The following LARP1B variants were observed in gnomAD, a reference collection of about 807,000 sequenced individuals.
LARP1B encodes la-related protein 1B.
LARP1B carries 76 observed loss-of-function variants against 114.2 expected under a neutral mutation model. That is an observed-to-expected ratio of 0.67 (90% CI 0.55 to 0.81). The LOEUF is 0.81. Ranked by LOEUF, LARP1B falls within the 30% of genes least tolerant of loss-of-function variation. The pLI is 0.00. For missense variants in LARP1B, 1,014 were observed against 1,075.8 expected, an observed-to-expected ratio of 0.94 and a Z score of 0.80; for synonymous variants, 345 against 348.0, an observed-to-expected ratio of 0.99 and a Z score of 0.10.
intron 3 of LARP1B, among the ~76,000 whole-genome samples, chr4:128,076,126 G>C (rs1767755826): frequency 6.6e-6 from 1 of 152,028 alleles, no homozygotes; most frequent in African/African-American, 2.4e-5. Flanking sequence ...TGATTCTCCT[G>C]CCTCAGCCTC....
intron 4 of LARP1B, among the ~76,000 whole-genome samples, chr4:128,079,934 CT>C (rs1163877719): frequency 6.6e-6 from 1 of 151,934 alleles, no homozygotes; most frequent in Non-Finnish European, 1.5e-5. Context: ...GTGTTCTTGA[CT>C]GTCTAGAATC....
At chr4:128,081,867 T>G (rs1770612305) in intron 4 of LARP1B, among the ~76,000 whole-genome samples, 1 of 152,212 alleles carries the variant, frequency 6.6e-6, no homozygotes, top group Non-Finnish European at 1.5e-5. Context: ...CCCGAGTAGC[T>G]GGGATTACTG....
intron 12 of LARP1B, among the ~76,000 whole-genome samples, chr4:128,167,389 T>G (rs897906377): frequency 9.2e-5 from 14 of 151,996 alleles, no homozygotes; most frequent in Admixed American, 8.5e-4. Context: ...TCTAATCAGG[T>G]CTTTTGCCCA....
chr4:128,219,758 C>T (rs1461124321), intron 6 of LARP1B, among the ~76,000 whole-genome samples: 3 of 149,062 alleles, frequency 2.0e-5, no homozygotes, highest in Non-Finnish European at 3.0e-5. Flanking sequence ...AACTAACCTG[C>T]ACAATGTGCA....
chr4:128,145,824 A>G (rs1730094332), intron 11 of LARP1B, among the ~76,000 whole-genome samples: 1 of 152,168 alleles, frequency 6.6e-6, no homozygotes, highest in South Asian at 2.1e-4. Context: ...TTTCATAGTC[A>G]TATCAGTTTT....
chr4:128,156,252 C>A, intron 11 of LARP1B: 1 of 1,226,550 alleles, frequency 8.2e-7, no homozygotes. Flanking sequence ...GCAACGTCTG[C>A]TCCCCTTCCC....
chr4:128,202,786 T>TAATACAG (rs1756377184), intron 17 of LARP1B, among the ~76,000 whole-genome samples: 1 of 152,188 alleles, frequency 6.6e-6, no homozygotes, highest in South Asian at 2.1e-4. Flanking sequence ...TAGCTACTTC[T>TAATACAG]TAGGAAGTAG....
chr4:128,084,953 TC>T (rs1772826398), intron 5 of LARP1B, among the ~76,000 whole-genome samples: 1 of 152,046 alleles, frequency 6.6e-6, no homozygotes, highest in African/African-American at 2.4e-5. Context: ...AACCTCTGCC[TC>T]CCGGGTTCAA....
intron 11 of LARP1B, chr4:128,122,811 G>T: frequency 2.7e-6 from 3 of 1,096,478 alleles, no homozygotes; most frequent in Non-Finnish European, 3.3e-6. Flanking sequence ...CCAGATCCTG[G>T]TTCCTATCCT....
At chr4:128,162,373 T>C in intron 12 of LARP1B, 56 bp downstream of exon 12, 1 of 1,459,060 alleles carries the variant, frequency 6.9e-7, no homozygotes, top group Non-Finnish European at 9.2e-7. Context: ...AGTTCTGAAT[T>C]GTTTTTAAAA....
intron 15 of LARP1B, among the ~76,000 whole-genome samples, chr4:128,192,882 G>GA (rs1420261341): frequency 6.6e-6 from 1 of 151,636 alleles, no homozygotes; most frequent in African/African-American, 2.4e-5. Context: ...ACCCAGGATA[G>GA]AGTGCAGTGG....
chr4:128,168,329 T>C (rs1742050050), intron 12 of LARP1B, among the ~76,000 whole-genome samples: 1 of 152,074 alleles, frequency 6.6e-6, no homozygotes, highest in South Asian at 2.1e-4. Context: ...TCATTGTGAC[T>C]GATGCTGTTG....
chr4:128,084,225 G>A (rs1156383799), intron 5 of LARP1B, among the ~76,000 whole-genome samples: 18 of 152,144 alleles, frequency 1.2e-4, no homozygotes, highest in South Asian at 2.1e-4. Flanking sequence ...ACGGGGTGGC[G>A]GCCGGGCAGA....
intron 5 of LARP1B, among the ~76,000 whole-genome samples, chr4:128,086,075 G>A (rs1240324510): frequency 6.1e-5 from 9 of 146,982 alleles, no homozygotes; most frequent in Non-Finnish European, 8.9e-5. Flanking sequence ...GTGCAGTGGC[G>A]CGATCTCGGC....
intron 9 of LARP1B, among the ~76,000 whole-genome samples, chr4:128,113,590 C>A (rs1468774197): frequency 1.3e-5 from 2 of 151,880 alleles, no homozygotes; most frequent in Non-Finnish European, 2.9e-5. Flanking sequence ...ATCCACCCGC[C>A]TCAGCCTCCC....
At chr4:128,181,957 C>T (rs9799735) in intron 15 of LARP1B, among the ~76,000 whole-genome samples, 17,301 of 151,508 alleles carry the variant, frequency 0.11, 1,287 homozygotes, top group South Asian at 0.21. Flanking sequence ...AGGTGCCCGC[C>T]ACCACGCCTG....
At chr4:128,162,352 A>T (rs1374425265) in intron 12 of LARP1B, 35 bp downstream of exon 12, 3 of 1,594,286 alleles carry the variant, frequency 1.9e-6, no homozygotes, top group Non-Finnish European at 2.6e-6. Flanking sequence ...GTGTCTGAAT[A>T]GTATTAAAGC....
chr4:128,066,262 C>T (rs1426617847), intron 1 of LARP1B, among the ~76,000 whole-genome samples: 2 of 147,174 alleles, frequency 1.4e-5, no homozygotes, highest in Admixed American at 7.0e-5. Flanking sequence ...CTGCAAGCTC[C>T]GCCTCCCGGG....
At chr4:128,197,403 A>AT (rs999127191) in intron 15 of LARP1B, among the ~76,000 whole-genome samples, 5 of 152,168 alleles carry the variant, frequency 3.3e-5, no homozygotes, top group South Asian at 2.1e-4. Context: ...TTAAAAACTC[A>AT]TTTTTTTATC....
Sources: gnomAD v4.1 joint callset for allele counts (sites outside exome capture counted in the v4.1 genomes callset) on GRCh38, gnomAD v4.1.1 for gene constraint, MANE v1.5 for transcripts, NCBI Gene and HGNC (gene_info 2026-07-23, HGNC 2026-07-21) for gene names.